Variants in PEBP4 observed in about 807,000 individuals in gnomAD.
The protein encoded by PEBP4 is phosphatidylethanolamine binding protein 4, also known as phosphatidylethanolamine-binding protein 4.
PEBP4 carries 22 observed loss-of-function variants against 23.9 expected under a neutral mutation model. The observed-to-expected ratio is 0.92, with a 90% CI of 0.66 to 1.31. PEBP4 has a LOEUF of 1.31. Among genes scored for constraint, PEBP4 ranks in the 40% most tolerant of loss-of-function variants. The pLI is 0.00. For synonymous variants in PEBP4, 112 were observed against 99.3 expected, an observed-to-expected ratio of 1.13 and a Z score of -0.76; for missense variants, 324 against 281.7, an observed-to-expected ratio of 1.15 and a Z score of -1.07.
chr8:22,885,665 CT>C (rs1377190311), intron 3 of PEBP4: 6 of 152,266 alleles, frequency 3.9e-5, no homozygotes, highest in Non-Finnish European at 1.5e-5. Context: ...AACATCTCCA[CT>C]TCCTGGCGTC....
intron 3 of PEBP4, among the ~76,000 whole-genome samples, chr8:22,856,361 G>C (rs995577471): frequency 6.6e-6 from 1 of 152,152 alleles, no homozygotes; most frequent in African/African-American, 2.4e-5. Context: ...ATGAAATGTT[G>C]ACAGTATGAT....
chr8:22,726,172 G>A (rs1350474298), intron 5 of PEBP4, among the ~76,000 whole-genome samples: 1 of 152,178 alleles, frequency 6.6e-6, no homozygotes. Context: ...GAGGGCCTGT[G>A]TGTGTGTAAA....
intron 3 of PEBP4, among the ~76,000 whole-genome samples, chr8:22,916,662 TCATTCATGCATTCATG>T (rs773507145): frequency 5.9e-5 from 9 of 152,178 alleles, no homozygotes; most frequent in African/African-American, 7.2e-5. Flanking sequence ...ATTCATTCAT[TCATTCATGCATTCATG>T]CATTCATGCA....
At chr8:22,774,947 C>T (rs1313242939) in intron 4 of PEBP4, among the ~76,000 whole-genome samples, 2 of 152,176 alleles carry the variant, frequency 1.3e-5, no homozygotes, top group Non-Finnish European at 2.9e-5. Context: ...CCAGCTCTTC[C>T]CCAGGAGCCC....
chr8:22,752,958 C>T (rs546232594), intron 4 of PEBP4, among the ~76,000 whole-genome samples: 20 of 152,320 alleles, frequency 1.3e-4, no homozygotes, highest in Admixed American at 2.0e-4. Flanking sequence ...AGGCTGGAGA[C>T]GTATTCCTGC....
At chr8:22,921,950 G>A (rs1341864156) in intron 2 of PEBP4, among the ~76,000 whole-genome samples, 1 of 152,236 alleles carries the variant, frequency 6.6e-6, no homozygotes, top group Non-Finnish European at 1.5e-5. Flanking sequence ...TAGGGAGGAG[G>A]TAAACTGAGG....
chr8:22,919,019 G>A (rs1809142553), intron 3 of PEBP4, among the ~76,000 whole-genome samples: 1 of 152,174 alleles, frequency 6.6e-6, no homozygotes, highest in Non-Finnish European at 1.5e-5. Flanking sequence ...AGACAACCTA[G>A]CAAAGCTTCA....
At chr8:22,924,794 G>T (rs1049059244) in intron 2 of PEBP4, 2 of 985,250 alleles carry the variant, frequency 2.0e-6, no homozygotes, top group African/African-American at 3.5e-5. Flanking sequence ...CTGAGCCCAG[G>T]GTTGGGACCG....
intron 3 of PEBP4, among the ~76,000 whole-genome samples, chr8:22,839,346 T>C (rs1807273314): frequency 1.3e-5 from 2 of 151,944 alleles, no homozygotes; most frequent in Admixed American, 6.6e-5. Context: ...GGGGGTGGCA[T>C]GGCGGTGTCC....
At chr8:22,924,125 G>A (rs1029754860) in intron 2 of PEBP4, among the ~76,000 whole-genome samples, 1 of 152,190 alleles carries the variant, frequency 6.6e-6, no homozygotes, top group Non-Finnish European at 1.5e-5. Flanking sequence ...CACTTTGGGA[G>A]GCTGAGGCAG....
chr8:22,745,125 C>T (rs913076320), intron 4 of PEBP4, among the ~76,000 whole-genome samples: 9 of 152,178 alleles, frequency 5.9e-5, no homozygotes, highest in Non-Finnish European at 1.3e-4. Flanking sequence ...TCTCTGGAGA[C>T]TTCGGACTTG....
At chr8:22,837,410 G>A (rs1563232387) in intron 3 of PEBP4, among the ~76,000 whole-genome samples, 1 of 152,204 alleles carries the variant, frequency 6.6e-6, no homozygotes, top group Non-Finnish European at 1.5e-5. Flanking sequence ...ACCAACATGA[G>A]GTGAGTGGCT....
chr8:22,893,633 T>G (rs1028207785), intron 3 of PEBP4, among the ~76,000 whole-genome samples: 26 of 152,302 alleles, frequency 1.7e-4, no homozygotes, highest in African/African-American at 6.3e-4. Flanking sequence ...TTTGAAGAGA[T>G]AACAATTTCA....
At chr8:22,724,263 G>A (rs1405032324) in intron 6 of PEBP4, among the ~76,000 whole-genome samples, 2 of 152,148 alleles carry the variant, frequency 1.3e-5, no homozygotes, top group Non-Finnish European at 2.9e-5. Context: ...CAGGAGGACC[G>A]AGGCCAAGCA....
intron 4 of PEBP4, among the ~76,000 whole-genome samples, chr8:22,742,760 CGA>C (rs898175727): frequency 6.6e-6 from 1 of 152,146 alleles, no homozygotes; most frequent in South Asian, 2.1e-4. Context: ...GTTGAGGCTA[CGA>C]GAGAGTCCCC....
intron 3 of PEBP4, among the ~76,000 whole-genome samples, chr8:22,845,472 A>T (rs1442393083): frequency 6.6e-6 from 1 of 152,142 alleles, no homozygotes; most frequent in East Asian, 1.9e-4. Flanking sequence ...GCAGTGAGCC[A>T]TGGGTGCATC....
chr8:22,849,389 G>A (rs1807505281), intron 3 of PEBP4, among the ~76,000 whole-genome samples: 1 of 152,174 alleles, frequency 6.6e-6, no homozygotes, highest in South Asian at 2.1e-4. Context: ...ACAGGAAGTG[G>A]GGCGTCCCAC....
chr8:22,714,942 G>A (rs1049741034), intron 6 of PEBP4, among the ~76,000 whole-genome samples: 12 of 152,242 alleles, frequency 7.9e-5, no homozygotes, highest in Non-Finnish European at 1.6e-4. Context: ...CCACCTATGT[G>A]TTGGTACTAC....
In PEBP4 at chr8:22,728,565, TTCCTTC is replaced by T. The variant is rs1563196357; in HGVS notation, c.358-1351_358-1346del. Reference sequence around the variant, plus strand: ...CTTCCTTTCTTTCTTTCTTTCTTCCTTCCTTCCTTCCTTCCTTCCTTCCTTCCTTCC... The same window carrying T: ...CTTCCTTTCTTTCTTTCTTTCTTCCTCTTCCTTCCTTCCTTCCTTCCTTCC... On this transcript the variant is annotated intron_variant, in intron 4 of 6. Coordinates refer to ENST00000256404, the MANE Select transcript of PEBP4 (RefSeq NM_144962.3). 3.0e-3 allele frequency among the ~76,000 whole-genome samples: 238 copies of T among 79,362 alleles called. 2 individuals carry two copies. Among genetic ancestry groups the T allele is most frequent in the Middle Eastern group, 0.026 (4 of 156 alleles). The allele number at this position is 79,362 out of a possible 152,430, so 52.1% of individuals were successfully genotyped here.
Sources: gnomAD v4.1 joint callset for allele counts (sites outside exome capture counted in the v4.1 genomes callset) on GRCh38, gnomAD v4.1.1 for gene constraint, MANE v1.5 for transcripts, NCBI Gene and HGNC (gene_info 2026-07-23, HGNC 2026-07-21) for gene names.